TNS1: variants seen among roughly 807,000 people sequenced by gnomAD.
TNS1 encodes the protein tensin 1, also known as tensin-1.
A neutral mutation model predicts 168.6 loss-of-function variants in TNS1; 62 were observed. The observed-to-expected ratio is 0.37, with a 90% CI of 0.30 to 0.45. The LOEUF (loss-of-function observed/expected upper bound fraction) is 0.45, where lower values mean the gene tolerates loss of function less well. Ranked by LOEUF, TNS1 falls within the 20% of genes least tolerant of loss-of-function variation. TNS1 has a pLI of 1.00. For synonymous variants in TNS1, 934 were observed against 933.2 expected (o/e 1.00, Z -0.02); for missense variants, 2,240 against 2,339.4 (o/e 0.96, Z 0.88).
chr2:217,989,223 T>C (rs2126080207), intron 2 of TNS1, among the ~76,000 whole-genome samples: 2 of 152,292 alleles, frequency 1.3e-5, no homozygotes, highest in Admixed American at 1.3e-4. Flanking sequence ...AAGAGGTCTG[T>C]ACTCTGTCTT....
At chr2:217,841,215 T>C in intron 19 of TNS1, 3 of 984,404 alleles carry the variant, frequency 3.0e-6, no homozygotes, top group Non-Finnish European at 3.6e-6. Flanking sequence ...GGGAGGAAGA[T>C]TGGAGCCGGT....
In TNS1 at chr2:217,822,806, A is replaced by G. The variant is rs73074326; in HGVS notation, c.3374-868T>C. On this transcript the variant is annotated intron_variant, in intron 22 of 32. Coordinates refer to ENST00000682258, the MANE Select transcript of TNS1 (RefSeq NM_001387777.1). ...CGACTCCCAGACCGGCACCTGCCCAACTCCTCTACGGCCTCTGAGGCCAGC... is the reference window on the plus strand; with the variant it reads ...CGACTCCCAGACCGGCACCTGCCCAGCTCCTCTACGGCCTCTGAGGCCAGC... Among the ~76,000 whole-genome samples, 1,187 of 152,152 alleles carry G rather than the reference A, an allele frequency of 7.8e-3. 12 individuals are homozygous for G. The highest frequency in any genetic ancestry group is 0.027 in the African/African-American group (1,137 of 41,514).
chr2:217,808,123 G>A lies in TNS1; in HGVS notation c.5343-16C>T, dbSNP rs1171815760. ...TTTCATCCACCTGTGGAGAGAAAGT[G>A]GGCTCAGGGTAAATCATCGTACTTT... On this transcript the variant is annotated splice_polypyrimidine_tract_variant and intron_variant, in intron 31 of 32. Transcript: ENST00000682258. The A allele has an allele frequency of 2.5e-6, 4 of 1,612,550 alleles. No individual in the cohort carries two copies. The South Asian group carries it at 4.4e-5, about 18-fold the overall frequency.
chr2:217,948,808 C>A lies in TNS1; in HGVS notation c.187-28572G>T, dbSNP rs1335102417. On this transcript the variant is annotated intron_variant, in intron 3 of 32. Coordinates refer to ENST00000682258, the MANE Select transcript of TNS1 (RefSeq NM_001387777.1). This position sits in a 1 kb window ranked among gnomAD's most constrained non-coding sequence, Gnocchi z 4.1. ...CTCACCACTGTGTCCTCTATGACAT[C>A]TCATTGGCATGCATCTGCATTTGCA... is the stretch of plus-strand genomic sequence containing the variant. Among the ~76,000 whole-genome samples the A allele has an allele frequency of 6.6e-6, 1 of 152,172 alleles. No individual in the cohort carries two copies. The highest frequency in any genetic ancestry group is 6.5e-5 in the Admixed American group (1 of 15,286).
chr2:217,951,269 TC>T (rs1957233767), intron 3 of TNS1, among the ~76,000 whole-genome samples: 1 of 152,070 alleles, frequency 6.6e-6, no homozygotes. Flanking sequence ...AAATGTTGGC[TC>T]CCCAGACATT....
intron 1 of TNS1, among the ~76,000 whole-genome samples, chr2:218,020,888 A>G (rs995788531): frequency 6.6e-6 from 1 of 152,232 alleles, no homozygotes; most frequent in Non-Finnish European, 1.5e-5. Context: ...GGAGGAGAGC[A>G]AAGGCAATTC....
chr2:218,014,018 G>A (rs1958734216), upstream of TNS1, among the ~76,000 whole-genome samples: 1 of 152,204 alleles, frequency 6.6e-6, no homozygotes, highest in Non-Finnish European at 1.5e-5. Flanking sequence ...GCCAGCACAG[G>A]TGTTGGGGAA....
intron 3 of TNS1, among the ~76,000 whole-genome samples, chr2:217,972,941 A>G (rs1447858957): frequency 2.6e-5 from 4 of 152,248 alleles, no homozygotes; most frequent in African/African-American, 7.2e-5. Context: ...TTTACTTAAA[A>G]TAATAAATAC....
intron 18 of TNS1, chr2:217,859,787 A>T: frequency 8.9e-7 from 1 of 1,117,692 alleles, no homozygotes; most frequent in Non-Finnish European, 1.3e-6. Context: ...TCCGAGAGCC[A>T]TGCAGCTGAA....
intron 3 of TNS1, among the ~76,000 whole-genome samples, chr2:217,957,400 G>A (rs755961519): frequency 6.6e-6 from 1 of 152,232 alleles, no homozygotes; most frequent in African/African-American, 2.4e-5. Flanking sequence ...GGACAGGACG[G>A]TGGGACTGGC....
chr2:217,886,436 G>A (rs1053817909), intron 13 of TNS1, 98 bp downstream of exon 13: 35 of 966,984 alleles, frequency 3.6e-5, no homozygotes, highest in East Asian at 7.9e-5. Context: ...TGCAGCTCTC[G>A]GGCTGTCTGT....
intron 3 of TNS1, among the ~76,000 whole-genome samples, chr2:217,968,204 T>C (rs1957694261): frequency 6.6e-6 from 1 of 152,202 alleles, no homozygotes; most frequent in Admixed American, 6.5e-5. Context: ...AGTGGTGAAA[T>C]ATTGGATAGT....
At chr2:217,873,144 T>C (rs1270899387) in intron 18 of TNS1, among the ~76,000 whole-genome samples, 2 of 152,130 alleles carry the variant, frequency 1.3e-5, no homozygotes, top group African/African-American at 4.8e-5. Flanking sequence ...CTAAAACCCA[T>C]TGAATTGTAT....
chr2:217,909,983 G>T (rs1186613479), intron 4 of TNS1, among the ~76,000 whole-genome samples: 2 of 152,158 alleles, frequency 1.3e-5, no homozygotes. Flanking sequence ...CTCAATACTT[G>T]TCAGCTATCA....
At chr2:217,903,602 C>T (rs528480969) in intron 6 of TNS1, 1 of 1,536,250 alleles carries the variant, frequency 6.5e-7, no homozygotes, top group South Asian at 1.2e-5. Flanking sequence ...CCCATCCTTA[C>T]CTCCAAAACA....
Position 217,836,172 on chromosome 2 carries a change from G to C in TNS1, c.3047C>G (p.Ala1016Gly), listed in dbSNP as rs775275964. The stretch of plus-strand genomic sequence containing the variant: ...ACTGGCCGCCCGCCTCCGCAGAGGG[G>C]CTGGGGGCTCTGCAGGCTGCTTCTC... ...AREKQPAEPP[A>G]PLRRRAASDG... The change falls in exon 20 of 33, where the codon GCC (alanine) becomes GGC (glycine). Residue 1016 changes from alanine to glycine, a missense_variant. Ala to Gly is a moderately conservative substitution (Grantham distance 60). Coordinates refer to ENST00000682258, the MANE Select transcript of TNS1 (RefSeq NM_001387777.1). 1.2e-6 allele frequency: 2 copies of C among 1,613,404 alleles called. No individual in the cohort carries two copies. Among genetic ancestry groups the C allele is most frequent in the African/African-American group, 1.3e-5 (1 of 75,014 alleles).
chr2:217,905,259 G>A lies in TNS1; in HGVS notation c.321+1076C>T, dbSNP rs745540071. The A allele has an allele frequency of 9.3e-6, 3 of 320,888 alleles. No individual in the cohort carries two copies. The Admixed American group carries it at 1.2e-4, about 13-fold the overall frequency. 19.9% of individuals were successfully genotyped at this position (320,888 alleles called of 1,614,324 possible). A position where few individuals can be genotyped will look rare whatever the true frequency, so the allele number is the denominator to read the frequency against. On this transcript the variant is annotated intron_variant, in intron 6 of 32. Transcript: ENST00000682258. ...AAAGCGGGACAAGGGCCCCTCCCCA[G>A]TATGAGTACCCCACGCCCAGGGGAA...
chr2:217,912,350 G>A (rs1196056743), intron 4 of TNS1, among the ~76,000 whole-genome samples: 4 of 152,242 alleles, frequency 2.6e-5, no homozygotes, highest in Non-Finnish European at 4.4e-5. Flanking sequence ...TCAGCCTCCG[G>A]AGGAACATTC....
intron 3 of TNS1, among the ~76,000 whole-genome samples, chr2:217,966,315 G>A (rs530411367): frequency 2.4e-4 from 35 of 145,912 alleles, no homozygotes; most frequent in African/African-American, 7.9e-4. Context: ...GTGTGCGCGC[G>A]CGCGCGTGTG....
Sources: allele counts gnomAD v4.1 joint callset (sites outside exome capture counted in the v4.1 genomes callset), GRCh38; gene constraint gnomAD v4.1.1; non-coding constraint Gnocchi (gnomAD v3.1); transcripts MANE v1.5; gene names NCBI Gene and HGNC (gene_info 2026-07-23, HGNC 2026-07-21).